The following OTUD7B variants were observed in gnomAD, a reference collection of about 807,000 sequenced individuals.
The protein encoded by OTUD7B is OTU deubiquitinase 7B, also known as OTU domain-containing protein 7B.
A neutral mutation model predicts 82.2 loss-of-function variants in OTUD7B; 34 were observed. That is an observed-to-expected ratio of 0.41 (90% CI 0.31 to 0.55). The LOEUF (loss-of-function observed/expected upper bound fraction) is 0.55, where lower values mean the gene tolerates loss of function less well. Among genes scored for constraint, OTUD7B ranks in the 20% least tolerant of loss-of-function variants. OTUD7B has a pLI of 0.20. For missense variants in OTUD7B, 944 were observed against 1,062.1 expected (o/e 0.89, Z 1.55); for synonymous variants, 398 against 402.7 (o/e 0.99, Z 0.14).
At chr1:150,022,450 G>A in the OTUD7B span, among the ~76,000 whole-genome samples, 1 of 147,540 alleles carries the variant, frequency 6.8e-6, no homozygotes, top group South Asian at 2.2e-4. Context: ...GTCTGAGGCA[G>A]CTGATCTGGC....
rs781852554 is a variant in OTUD7B, at chr1:149,950,182, T to G, written c.885A>C (p.Glu295Asp). The G allele has an allele frequency of 3.1e-6, 5 of 1,614,088 alleles. No individual in the cohort carries two copies. Among genetic ancestry groups the G allele is most frequent in the Non-Finnish European group, 4.2e-6 (5 of 1,180,002 alleles). The change falls in exon 8 of 12, where the codon GAA becomes GAC. Residue 295 changes from glutamate to aspartate, a missense_variant. By Grantham distance (45) the Glu-to-Asp change is conservative. Coordinates refer to ENST00000581312, the MANE Select transcript of OTUD7B (RefSeq NM_020205.4). ...GAGCAAGGACAAAGACGTGAAACTC[T>G]TCAAGGCTCTCATATACAGGCTCCT... ...SSEEPVYESL[E>D]EFHVFVLAHV...
At chr1:150,045,847 C>G in the OTUD7B span, among the ~76,000 whole-genome samples, 22,738 of 151,936 alleles carry the variant, frequency 0.15, 1,875 homozygotes, top group African/African-American at 0.18. Context: ...GAACAAAAAG[C>G]CTTTATATTT....
At chr1:150,003,409 G>A (rs78157132) in intron 1 of OTUD7B, among the ~76,000 whole-genome samples, 1 of 152,064 alleles carries the variant, frequency 6.6e-6, no homozygotes, top group Non-Finnish European at 1.5e-5. Flanking sequence ...TATTTTCTCA[G>A]ACTGGAATGT....
the OTUD7B span, chr1:150,054,808 CAA>C: frequency 4.7e-3 from 195 of 41,714 alleles, 1 homozygote; most frequent in African/African-American, 0.019. Context: ...AACTCAGTCT[CAA>C]AAAAAAAAAA....
intron 7 of OTUD7B, among the ~76,000 whole-genome samples, chr1:149,957,866 T>C (rs1170764778): frequency 6.6e-6 from 1 of 152,146 alleles, no homozygotes; most frequent in Non-Finnish European, 1.5e-5. Flanking sequence ...TGGTGTGCCA[T>C]TTGCTAAGAC....
At chr1:150,040,070 C>A in the OTUD7B span, among the ~76,000 whole-genome samples, 1 of 152,196 alleles carries the variant, frequency 6.6e-6, no homozygotes, top group Admixed American at 6.5e-5. Context: ...GAAAAGCCTT[C>A]TAACGTTTCA....
At chr1:150,006,413 C>T (rs587721007) in intron 1 of OTUD7B, among the ~76,000 whole-genome samples, 19 of 152,242 alleles carry the variant, frequency 1.2e-4, no homozygotes, top group African/African-American at 4.1e-4. Context: ...GCTGAGATTG[C>T]GCCACTGTAC....
chr1:149,998,308 T>C (rs1022082179), intron 1 of OTUD7B, among the ~76,000 whole-genome samples: 6 of 152,192 alleles, frequency 3.9e-5, no homozygotes, highest in African/African-American at 1.2e-4. Context: ...AAAATACTAA[T>C]TCATACAATA....
At chr1:149,951,838 C>T (rs1458356095) in intron 7 of OTUD7B, among the ~76,000 whole-genome samples, 4 of 151,750 alleles carry the variant, frequency 2.6e-5, no homozygotes, top group Non-Finnish European at 4.4e-5. Context: ...TGATAATATA[C>T]TAAACACTCA....
the OTUD7B span, among the ~76,000 whole-genome samples, chr1:150,035,959 T>TTG: frequency 6.7e-6 from 1 of 150,212 alleles, no homozygotes; most frequent in African/African-American, 2.5e-5. Flanking sequence ...TTGTAACTGT[T>TTG]TTTTTTTTTT....
upstream of OTUD7B, among the ~76,000 whole-genome samples, chr1:150,011,523 T>C (rs1653063192): frequency 6.6e-6 from 1 of 152,222 alleles, no homozygotes; most frequent in African/African-American, 2.4e-5. Flanking sequence ...GTGTCCTACC[T>C]GAGTGACAAT....
At chr1:150,020,253 A>AG in the OTUD7B span, among the ~76,000 whole-genome samples, 2 of 152,202 alleles carry the variant, frequency 1.3e-5, no homozygotes, top group East Asian at 3.9e-4. Context: ...AGGGAATGGC[A>AG]GGCCAGGCGC....
chr1:150,013,513 A>G (rs1653163082), upstream of OTUD7B, among the ~76,000 whole-genome samples: 1 of 152,122 alleles, frequency 6.6e-6, no homozygotes, highest in Non-Finnish European at 1.5e-5. Context: ...TATAATTTAG[A>G]CCATTGGTTC....
chr1:149,976,011 ACT>A (rs1418173070), intron 2 of OTUD7B, among the ~76,000 whole-genome samples: 2 of 100,674 alleles, frequency 2.0e-5, no homozygotes, highest in Non-Finnish European at 4.0e-5. Context: ...ACAGAGTGAG[ACT>A]CTGTCTCAAA....
chr1:150,065,849 G>GTTTCTTTTTTTTTTTTTTTTTTTTTT, the OTUD7B span, among the ~76,000 whole-genome samples: 4 of 151,530 alleles, frequency 2.6e-5, no homozygotes, highest in African/African-American at 9.8e-5. Flanking sequence ...TGTTCAAAAT[G>GTTTCTTTTTTTTTTTTTTTTTTTTTT]TTTATGTTCC....
At chr1:149,976,338 G>A (rs1553778545) in intron 2 of OTUD7B, among the ~76,000 whole-genome samples, 1 of 151,972 alleles carries the variant, frequency 6.6e-6, no homozygotes, top group East Asian at 1.9e-4. Flanking sequence ...AGCCAGGCAT[G>A]GTGGCTCATG....
the OTUD7B span, among the ~76,000 whole-genome samples, chr1:150,026,160 G>A: frequency 3.0e-4 from 45 of 152,212 alleles, 1 homozygote; most frequent in Non-Finnish European, 4.4e-5. Context: ...ACACTTCCTG[G>A]AAGGTGCATA....
the OTUD7B span, among the ~76,000 whole-genome samples, chr1:150,025,837 C>G: frequency 6.6e-6 from 1 of 152,062 alleles, no homozygotes; most frequent in African/African-American, 2.4e-5. Flanking sequence ...GAAATAAGCC[C>G]CCACATGAAT....
Position 149,973,154 on chromosome 1 carries a change from G to T in OTUD7B, c.86-1903C>A, listed in dbSNP as rs917033997. ...ACTTAGTCTTTGGTCTTTTAGGAAG[G>T]AATTCTCTATCTGGTCTCTCTGCTC... On this transcript the variant is annotated intron_variant, in intron 2 of 11. Transcript: ENST00000581312. Among the ~76,000 whole-genome samples the T allele has an allele frequency of 3.9e-5, 6 of 152,132 alleles. No individual in the cohort carries two copies. In the East Asian group the frequency reaches 1.2e-3, roughly 29 times the overall value.
Sources: gnomAD v4.1 joint callset for allele counts (sites outside exome capture counted in the v4.1 genomes callset) on GRCh38, gnomAD v4.1.1 for gene constraint, MANE v1.5 for transcripts, NCBI Gene and HGNC (gene_info 2026-07-23, HGNC 2026-07-21) for gene names.